The following CLEC4C variants were observed in gnomAD, a reference collection of about 807,000 sequenced individuals.
CLEC4C encodes the protein C-type lectin domain family 4 member C, also known as C-type (calcium dependent, carbohydrate-recognition domain) lectin, superfamily member 11.
CLEC4C carries 17 observed loss-of-function variants against 27.7 expected under a neutral mutation model. The observed-to-expected ratio is 0.61, with a 90% CI of 0.42 to 0.92. The LOEUF (loss-of-function observed/expected upper bound fraction) is 0.92, where lower values mean the gene tolerates loss of function less well. Among genes scored for constraint, CLEC4C ranks in the 40% least tolerant of loss-of-function variants. The pLI is 0.00. For synonymous variants in CLEC4C, 80 were observed against 80.8 expected (o/e 0.99, Z 0.06); for missense variants, 244 against 257.3 (o/e 0.95, Z 0.35).
At chr12:7,744,069 A>G (rs1471958123) in intron 2 of CLEC4C, among the ~76,000 whole-genome samples, 1 of 152,158 alleles carries the variant, frequency 6.6e-6, no homozygotes, top group Non-Finnish European at 1.5e-5. Flanking sequence ...TATTCCTTCG[A>G]GGAGGGTGCC....
upstream of CLEC4C, chr12:7,747,553 C>T (rs1865012003): frequency 1.4e-5 from 6 of 442,850 alleles, no homozygotes; most frequent in Non-Finnish European, 2.5e-5. Context: ...AAACATACAT[C>T]ATGTTCAGAA....
At chr12:7,744,045 A>C (rs1346742282) in intron 2 of CLEC4C, among the ~76,000 whole-genome samples, 1 of 152,158 alleles carries the variant, frequency 6.6e-6, no homozygotes, top group Non-Finnish European at 1.5e-5. Flanking sequence ...CCCAACTCAG[A>C]GCAAGAACTC....
chr12:7,744,612 ATTTATT>A (rs1037664549), intron 2 of CLEC4C, among the ~76,000 whole-genome samples: 7 of 152,028 alleles, frequency 4.6e-5, no homozygotes, highest in South Asian at 2.1e-4. Context: ...CTGTATAAAC[ATTTATT>A]TTTATTTTTA....
chr12:7,731,280 C>G (rs1864590525), intron 4 of CLEC4C, among the ~76,000 whole-genome samples: 1 of 152,082 alleles, frequency 6.6e-6, no homozygotes, highest in Non-Finnish European at 1.5e-5. Flanking sequence ...TGGGAACAGA[C>G]ATACAACTCT....
intron 2 of CLEC4C, 91 bp downstream of exon 2, chr12:7,746,240 A>G (rs970722956): frequency 2.6e-6 from 2 of 780,318 alleles, no homozygotes; most frequent in East Asian, 2.7e-5. Context: ...AAAAGAAAAA[A>G]AAAGAAAGAG....
chr12:7,744,974 C>T (rs1267171820), intron 2 of CLEC4C, among the ~76,000 whole-genome samples: 2 of 152,188 alleles, frequency 1.3e-5, no homozygotes, highest in African/African-American at 4.8e-5. Flanking sequence ...CACAGTAATA[C>T]AATTATAGCA....
chr12:7,734,005 G>A (rs1234394652), intron 4 of CLEC4C, among the ~76,000 whole-genome samples: 1 of 152,120 alleles, frequency 6.6e-6, no homozygotes, highest in Non-Finnish European at 1.5e-5. Context: ...CAATTCTTCT[G>A]CCTCAGCCAC....
intron 2 of CLEC4C, among the ~76,000 whole-genome samples, chr12:7,743,181 G>A (rs1592097947): frequency 6.6e-6 from 1 of 152,110 alleles, no homozygotes; most frequent in South Asian, 2.1e-4. Context: ...TATTAATCCT[G>A]AAATATCACA....
In CLEC4C at chr12:7,746,325, A is replaced by T. The variant is rs763436953; in HGVS notation, c.124+6T>A. On this transcript the variant is annotated splice_donor_region_variant and intron_variant, in intron 2 of 5. Coordinates refer to ENST00000360345, the MANE Select transcript of CLEC4C (RefSeq NM_001371390.1). Reference sequence around the variant, plus strand: ...AGAGATGACTGCACTCCAGCCAAGAACTTACCCACAGAACTCACAGTGAAA... The same window carrying T: ...AGAGATGACTGCACTCCAGCCAAGATCTTACCCACAGAACTCACAGTGAAA... 5 of 1,596,362 alleles carry T rather than the reference A, an allele frequency of 3.1e-6. No homozygotes were observed. The highest frequency in any genetic ancestry group is 1.7e-6 in the Non-Finnish European group (2 of 1,164,182).
chr12:7,747,431 C>A, upstream of CLEC4C: 2 of 1,427,634 alleles, frequency 1.4e-6, no homozygotes, highest in Non-Finnish European at 2.0e-6. Flanking sequence ...ATGTTACTTT[C>A]GGGGTGTGGT....
chr12:7,737,273 T>C (rs769708696), intron 4 of CLEC4C, among the ~76,000 whole-genome samples, 156 bp downstream of exon 4: 1 of 151,522 alleles, frequency 6.6e-6, no homozygotes, highest in African/African-American at 2.4e-5. Flanking sequence ...TGTTCCAGAT[T>C]AAGGAGATTT....
chr12:7,746,360 A>G lies in CLEC4C; in HGVS notation c.95T>C (p.Leu32Pro), dbSNP rs1002771798. Residue 32 changes from leucine (L) to proline (P), a missense_variant, in exon 2 of 6, where the codon CTC (leucine) becomes CCC (proline). Transcript: ENST00000360345. Reference sequence around the variant, plus strand: ...AGAACTCACAGTGAAACAGACACTGAGGAGCAAGATGGATACGACTGCCAT... The same window carrying G: ...AGAACTCACAGTGAAACAGACACTGGGGAGCAAGATGGATACGACTGCCAT... ...WSMAVVSILL[L>P]SVCFTVSSVV... The G allele has an allele frequency of 9.9e-6, 16 of 1,613,526 alleles. No homozygotes were observed. The highest frequency in any genetic ancestry group is 1.3e-5 in the African/African-American group (1 of 74,920).
intron 3 of CLEC4C, among the ~76,000 whole-genome samples, chr12:7,741,197 C>T (rs1258285809): frequency 3.3e-5 from 5 of 152,054 alleles, no homozygotes; most frequent in Non-Finnish European, 7.4e-5. Flanking sequence ...ACTCCAGACC[C>T]TCAGGTAATC....
chr12:7,748,451 G>A (rs997607928), upstream of CLEC4C, among the ~76,000 whole-genome samples: 10 of 152,116 alleles, frequency 6.6e-5, no homozygotes, highest in Admixed American at 5.9e-4. Flanking sequence ...GCTTGAACCC[G>A]GGAGGCGGAG....
At chr12:7,742,914 G>A (rs908103055) in intron 2 of CLEC4C, among the ~76,000 whole-genome samples, 11 of 152,052 alleles carry the variant, frequency 7.2e-5, no homozygotes, top group East Asian at 1.9e-4. Flanking sequence ...ATTTCAAGCC[G>A]TACTGTTTTT....
At chr12:7,741,125 G>T (rs756448359) in intron 3 of CLEC4C, among the ~76,000 whole-genome samples, 10 of 152,102 alleles carry the variant, frequency 6.6e-5, no homozygotes, top group Non-Finnish European at 1.5e-4. Context: ...ACCGCGCCCG[G>T]ACTTTTTTTG....
At chr12:7,732,314 G>A (rs1684116961) in intron 4 of CLEC4C, among the ~76,000 whole-genome samples, 1 of 151,738 alleles carries the variant, frequency 6.6e-6, no homozygotes, top group Non-Finnish European at 1.5e-5. Flanking sequence ...ACAGGCGTGA[G>A]CCATGATGTC....
chr12:7,745,987 G>A (rs945984096), intron 2 of CLEC4C, among the ~76,000 whole-genome samples: 1 of 151,798 alleles, frequency 6.6e-6, no homozygotes, highest in Non-Finnish European at 1.5e-5. Flanking sequence ...AGGCCAAGGT[G>A]GGCGGATCAC....
At chr12:7,747,285 A>G in intron 1 of CLEC4C, 33 bp downstream of exon 1, 2 of 1,609,758 alleles carry the variant, frequency 1.2e-6, no homozygotes, top group Non-Finnish European at 1.7e-6. Context: ...TGCTCCTACT[A>G]CCTTCCCTAG....
Sources: gnomAD v4.1 joint callset for allele counts (sites outside exome capture counted in the v4.1 genomes callset) on GRCh38, gnomAD v4.1.1 for gene constraint, MANE v1.5 for transcripts, NCBI Gene and HGNC (gene_info 2026-07-23, HGNC 2026-07-21) for gene names.